The following FRMD4B variants were observed in gnomAD, a reference collection of about 807,000 sequenced individuals.
The protein encoded by FRMD4B is FERM domain containing 4B, also known as FERM domain-containing protein 4B.
FRMD4B carries 74 observed loss-of-function variants against 141.5 expected under a neutral mutation model. The ratio of observed to expected loss-of-function variants is 0.52; its 90% CI spans 0.43 to 0.63. FRMD4B has a LOEUF of 0.63. FRMD4B is among the 30% of genes least tolerant of loss of function. The pLI, the probability that FRMD4B is intolerant of heterozygous loss-of-function variation, is 0.00. For synonymous variants in FRMD4B, 506 were observed against 467.9 expected (o/e 1.08, Z -1.05); for missense variants, 1,366 against 1,253.4 (o/e 1.09, Z -1.36).
chr3:69,514,548 C>T (rs1433767705), intron 1 of FRMD4B, among the ~76,000 whole-genome samples: 8 of 151,924 alleles, frequency 5.3e-5, no homozygotes, highest in Non-Finnish European at 8.8e-5. Flanking sequence ...CTTAGCCAGA[C>T]GTGGTGGTGG....
intron 1 of FRMD4B, among the ~76,000 whole-genome samples, chr3:69,379,453 A>AT (rs1704057638): frequency 6.6e-6 from 1 of 151,970 alleles, no homozygotes. Context: ...TAACTTTTGT[A>AT]TTTTTTGTAC....
In FRMD4B at chr3:69,350,018, T is replaced by C. The variant is rs539538993; in HGVS notation, c.162+35810A>G. Among the ~76,000 whole-genome samples, 64 of 152,164 alleles carry C rather than the reference T, an allele frequency of 4.2e-4. 2 individuals carry two copies. In the South Asian group the frequency reaches 0.013, roughly 31 times the overall value. Reference sequence around the variant, plus strand: ...GAGCTTCTGCACAGCAAAAAAACTATCATCAGAGTGAACAGGCAACCTATA... The same window carrying C: ...GAGCTTCTGCACAGCAAAAAAACTACCATCAGAGTGAACAGGCAACCTATA... On this transcript the variant is annotated intron_variant, in intron 1 of 22. Transcript: ENST00000398540.
intron 2 of FRMD4B, among the ~76,000 whole-genome samples, chr3:69,420,307 A>C (rs1704952320): frequency 6.6e-6 from 1 of 150,636 alleles, no homozygotes; most frequent in Non-Finnish European, 1.5e-5. Flanking sequence ...AAAAAAAAAC[A>C]ACCAAAACAA....
chr3:69,204,282 T>C (rs1347747104), intron 11 of FRMD4B, among the ~76,000 whole-genome samples: 1 of 152,208 alleles, frequency 6.6e-6, no homozygotes, highest in African/African-American at 2.4e-5. Context: ...AGGGTCAAAC[T>C]GTCTTTTTAA....
chr3:69,464,037 A>C (rs890776608), intron 1 of FRMD4B, among the ~76,000 whole-genome samples: 1 of 152,214 alleles, frequency 6.6e-6, no homozygotes. Flanking sequence ...CCATTTGGAA[A>C]AGTACAGTAC....
chr3:69,352,373 A>T (rs187967620), intron 1 of FRMD4B, among the ~76,000 whole-genome samples: 64 of 152,290 alleles, frequency 4.2e-4, no homozygotes, highest in Middle Eastern at 3.4e-3. Context: ...CTAAGGCTAC[A>T]CTATTATGTT....
chr3:69,252,859 A>G (rs2170801), intron 5 of FRMD4B, among the ~76,000 whole-genome samples: 146,971 of 152,162 alleles, frequency 0.97, 71,198 homozygotes, highest in East Asian at 1. Context: ...CACTTCAGTG[A>G]GTTTCCATGA....
intron 1 of FRMD4B, among the ~76,000 whole-genome samples, chr3:69,316,714 A>G (rs1169685087): frequency 6.6e-6 from 1 of 152,230 alleles, no homozygotes; most frequent in South Asian, 2.1e-4. Flanking sequence ...AAGATATAAA[A>G]AAATAATGCT....
At position 69,293,880 on chromosome 3, in the gene FRMD4B, C is replaced by CAAAAAAAAAAAA. The variant is rs10699871; in HGVS notation, c.417-6056_417-6045dup. 9.3e-4 allele frequency among the ~76,000 whole-genome samples: 69 copies of CAAAAAAAAAAAA among 74,450 alleles called. 1 individual carries two copies. The highest frequency in any genetic ancestry group is 3.6e-3 in the African/African-American group (60 of 16,772). The allele number at this position is 74,450 out of a possible 152,430, so 48.8% of individuals were successfully genotyped here. On this transcript the variant is annotated intron_variant, in intron 4 of 22. Transcript: ENST00000398540. ...TGGGTGACAGAGCTAGATTCTGCCT[C>CAAAAAAAAAAAA]AAAAAAAAAAAAAAAAAAAAAAAAA...
chr3:69,284,112 T>C (rs2093656619), intron 5 of FRMD4B, among the ~76,000 whole-genome samples: 1 of 152,046 alleles, frequency 6.6e-6, no homozygotes, highest in Non-Finnish European at 1.5e-5. Context: ...GGCTCCAGGC[T>C]GTGGAGGGAG....
At chr3:69,383,061 G>A (rs1193129849) in intron 1 of FRMD4B, among the ~76,000 whole-genome samples, 1 of 110,392 alleles carries the variant, frequency 9.1e-6, no homozygotes, top group East Asian at 2.8e-4. Flanking sequence ...TAAACTCCAG[G>A]CAGCGTGCTA....
At chr3:69,334,487 AT>A (rs1702478319) in intron 1 of FRMD4B, 1 of 151,254 alleles carries the variant, frequency 6.6e-6, no homozygotes, top group Admixed American at 6.6e-5. Context: ...AAAAAAAAAA[AT>A]TAAAAAAATA....
rs374281883 is a variant in FRMD4B at position 69,189,942 on chromosome 3, G to T, written c.1725C>A (p.Ile575=). ...CAGACAAAGAGCTACTCTCTGAGGG[G>T]ATTATGTCTTCTGTGAATAAAAATA... ...QKATVLPEDI[I]PSESSSLSDT... The change falls in exon 18 of 23, where the codon ATC becomes ATA. Residue 575 remains isoleucine, a synonymous_variant. Transcript: ENST00000398540. The T allele has an allele frequency of 1.1e-5, 17 of 1,587,724 alleles. No homozygotes were observed. Among genetic ancestry groups the T allele is most frequent in the Non-Finnish European group, 1.1e-5 (13 of 1,156,648 alleles).
chr3:69,482,710 G>A (rs1706147867), intron 1 of FRMD4B, among the ~76,000 whole-genome samples: 1 of 152,224 alleles, frequency 6.6e-6, no homozygotes, highest in East Asian at 1.9e-4. Context: ...GGGGCAGGAA[G>A]TACATCTTTC....
chr3:69,373,594 C>T (rs1332372515), intron 1 of FRMD4B, among the ~76,000 whole-genome samples: 1 of 152,018 alleles, frequency 6.6e-6, no homozygotes, highest in Non-Finnish European at 1.5e-5. Flanking sequence ...TATAACTGGC[C>T]AGGCATGGTG....
chr3:69,457,200 T>C (rs2106910176), intron 1 of FRMD4B, among the ~76,000 whole-genome samples: 1 of 152,258 alleles, frequency 6.6e-6, no homozygotes, highest in East Asian at 1.9e-4. Context: ...TACAGAAAAA[T>C]GTCCACAGCA....
intron 1 of FRMD4B, among the ~76,000 whole-genome samples, chr3:69,332,375 C>T (rs1702397418): frequency 6.6e-6 from 1 of 152,138 alleles, no homozygotes; most frequent in Non-Finnish European, 1.5e-5. Context: ...AAATGTCATA[C>T]CCTCATTTTA....
At chr3:69,386,573 GAA>G (rs11334759), upstream of FRMD4B, among the ~76,000 whole-genome samples, 13 of 150,378 alleles carry the variant, frequency 8.6e-5, no homozygotes, top group Admixed American at 1.3e-4. Flanking sequence ...GAGAGAGAGA[GAA>G]AAAAAAAAAT....
At chr3:69,193,479 G>A (rs914337505) in intron 17 of FRMD4B, among the ~76,000 whole-genome samples, 169 bp downstream of exon 17, 10 of 152,208 alleles carry the variant, frequency 6.6e-5, no homozygotes, top group African/African-American at 2.4e-4. Flanking sequence ...TTGCACTCCA[G>A]CCTGGGCAAC....
Sources: gnomAD v4.1 joint callset for allele counts (sites outside exome capture counted in the v4.1 genomes callset) on GRCh38, gnomAD v4.1.1 for gene constraint, MANE v1.5 for transcripts, NCBI Gene and HGNC (gene_info 2026-07-23, HGNC 2026-07-21) for gene names.